Variants in KATNIP observed in about 807,000 individuals in gnomAD.
KATNIP encodes the protein katanin interacting protein.
In KATNIP, 126 loss-of-function variants were observed where a neutral mutation model predicts 174.0. The ratio of observed to expected loss-of-function variants is 0.72; its 90% CI spans 0.63 to 0.84. KATNIP has a LOEUF of 0.84. Ranked by LOEUF, KATNIP falls within the 40% of genes least tolerant of loss-of-function variation. KATNIP has a pLI of 0.00. For synonymous variants in KATNIP, 810 were observed against 835.7 expected (o/e 0.97, Z 0.53); for missense variants, 1,958 against 2,109.7 (o/e 0.93, Z 1.41).
In KATNIP at chr16:27,740,445, C is replaced by G; in HGVS notation, c.2148C>G (p.Ala716=). ...TSMGDMPSAP[A]TSPPVKCPPV... ...TGGGTGACATGCCCAGTGCTCCTGC[C>G]ACTTCCCCACCTGTGAAGTGCCCTC... is the stretch of plus-strand genomic sequence containing the variant. Residue 716 remains alanine, a synonymous_variant, in exon 15 of 28, where the codon GCC becomes GCG. Coordinates refer to ENST00000261588, the MANE Select transcript of KATNIP (RefSeq NM_015202.5). The G allele has an allele frequency of 6.2e-7, 1 of 1,614,094 alleles. No homozygotes were observed. The highest frequency in any genetic ancestry group is 8.5e-7 in the Non-Finnish European group (1 of 1,180,046).
At chr16:27,587,283 T>C (rs2090939432) in intron 2 of KATNIP, among the ~76,000 whole-genome samples, 1 of 152,208 alleles carries the variant, frequency 6.6e-6, no homozygotes, top group South Asian at 2.1e-4. Context: ...ATTGAGTCCC[T>C]CTGTCAGATC....
chr16:27,735,610 A>G (rs535061262), intron 14 of KATNIP, among the ~76,000 whole-genome samples: 48 of 152,306 alleles, frequency 3.2e-4, no homozygotes, highest in African/African-American at 1.1e-3. Flanking sequence ...TGCTTTGAGA[A>G]TCGACTTTTC....
chr16:27,757,593 A>G, intron 18 of KATNIP: 1 of 876,448 alleles, frequency 1.1e-6, no homozygotes, highest in Non-Finnish European at 1.4e-6. Context: ...GTAGAGCTCA[A>G]AGACCTTTTT....
chr16:27,646,394 G>A (rs1286786586), intron 5 of KATNIP, among the ~76,000 whole-genome samples: 1 of 152,114 alleles, frequency 6.6e-6, no homozygotes, highest in African/African-American at 2.4e-5. Context: ...CCTTAGGTCC[G>A]TTTCTATCCC....
Position 27,673,391 on chromosome 16 carries a change from C to T in KATNIP, c.541-4338C>T, listed in dbSNP as rs556642696. The stretch of plus-strand genomic sequence containing the variant: ...AGGAGCAGTGAATCTGTTGCCCCTC[C>T]AACTGCCCACCACTGTCAGACTTTG... On this transcript the variant is annotated intron_variant, in intron 6 of 27. Coordinates refer to ENST00000261588, the MANE Select transcript of KATNIP (RefSeq NM_015202.5). 2.6e-5 allele frequency among the ~76,000 whole-genome samples: 4 copies of T among 152,310 alleles called. No homozygotes were observed. In the East Asian group the frequency reaches 7.7e-4, roughly 29 times the overall value.
At chr16:27,706,914 C>T (rs1187890181) in intron 12 of KATNIP, among the ~76,000 whole-genome samples, 1 of 152,210 alleles carries the variant, frequency 6.6e-6, no homozygotes, top group Non-Finnish European at 1.5e-5. Context: ...TATCACTGTC[C>T]TGCATGCCTG....
intron 19 of KATNIP, among the ~76,000 whole-genome samples, chr16:27,763,911 T>C (rs555994544): frequency 1.3e-5 from 2 of 152,310 alleles, no homozygotes; most frequent in East Asian, 3.9e-4. Flanking sequence ...TGCTCCTTGC[T>C]CCCCTGTATT....
intron 5 of KATNIP, among the ~76,000 whole-genome samples, chr16:27,643,590 CAAAAAAAAA>C (rs562253355): frequency 3.7e-4 from 15 of 40,488 alleles, no homozygotes; most frequent in East Asian, 9.8e-4. Flanking sequence ...GACTCTGTCT[CAAAAAAAAA>C]AAAAAAAAAA....
At chr16:27,610,645 G>A (rs1380365881) in intron 2 of KATNIP, among the ~76,000 whole-genome samples, 2 of 152,074 alleles carry the variant, frequency 1.3e-5, no homozygotes, top group Non-Finnish European at 2.9e-5. Context: ...CAATTCACAC[G>A]CACACATGAT....
intron 1 of KATNIP, among the ~76,000 whole-genome samples, chr16:27,565,849 C>T (rs1445639972): frequency 1.3e-5 from 2 of 151,474 alleles, no homozygotes; most frequent in African/African-American, 4.9e-5. Flanking sequence ...GATCTGTCTG[C>T]CTAGTTATGT....
chr16:27,591,312 G>A (rs1364323239), intron 2 of KATNIP, among the ~76,000 whole-genome samples: 1 of 151,966 alleles, frequency 6.6e-6, no homozygotes, highest in Non-Finnish European at 1.5e-5. Flanking sequence ...AGCCTCCTGA[G>A]TAGCTGGTAT....
At chr16:27,734,766 G>T (rs1486997670) in intron 14 of KATNIP, among the ~76,000 whole-genome samples, 1 of 152,170 alleles carries the variant, frequency 6.6e-6, no homozygotes, top group Non-Finnish European at 1.5e-5. Flanking sequence ...CCTAACAGTG[G>T]CTAGGCTAGC....
At chr16:27,598,989 A>C (rs1294623540) in intron 2 of KATNIP, among the ~76,000 whole-genome samples, 2 of 152,108 alleles carry the variant, frequency 1.3e-5, no homozygotes, top group Non-Finnish European at 2.9e-5. Flanking sequence ...TAACCTGGGG[A>C]AGGATGGATT....
chr16:27,598,090 G>A (rs191334335), intron 2 of KATNIP, among the ~76,000 whole-genome samples: 321 of 152,210 alleles, frequency 2.1e-3, no homozygotes, highest in African/African-American at 7.4e-3. Context: ...TTAGCTGGGC[G>A]TGGTGGCGTA....
At chr16:27,742,792 G>C (rs1217165888) in intron 15 of KATNIP, among the ~76,000 whole-genome samples, 1 of 152,184 alleles carries the variant, frequency 6.6e-6, no homozygotes, top group Non-Finnish European at 1.5e-5. Context: ...GCCTCTTGGT[G>C]AAATATCTAT....
intron 13 of KATNIP, among the ~76,000 whole-genome samples, chr16:27,719,512 A>G (rs2143015100): frequency 6.6e-6 from 1 of 151,684 alleles, no homozygotes; most frequent in East Asian, 1.9e-4. Context: ...AGCTGGAATT[A>G]GAGGCCCGCC....
chr16:27,618,536 T>C, intron 3 of KATNIP, 35 bp downstream of exon 3: 1 of 1,452,780 alleles, frequency 6.9e-7, no homozygotes, highest in African/African-American at 1.4e-5. Flanking sequence ...CCCTTGATAT[T>C]AGCGAAGTAA....
At chr16:27,669,400 G>A in intron 6 of KATNIP, 1 of 608,080 alleles carries the variant, frequency 1.6e-6, no homozygotes, top group Non-Finnish European at 2.1e-6. Flanking sequence ...CCTCCATGCA[G>A]AGGGCTTTCT....
intron 8 of KATNIP, among the ~76,000 whole-genome samples, chr16:27,697,098 A>G (rs2078940202): frequency 6.6e-6 from 1 of 152,146 alleles, no homozygotes; most frequent in Admixed American, 6.5e-5. Context: ...GCTATTGTGA[A>G]TAGTGCTAGA....
Sources: gnomAD v4.1 joint callset for allele counts (sites outside exome capture counted in the v4.1 genomes callset) on GRCh38, gnomAD v4.1.1 for gene constraint, MANE v1.5 for transcripts, NCBI Gene and HGNC (gene_info 2026-07-23, HGNC 2026-07-21) for gene names.